MYO1G: variants seen among roughly 807,000 people sequenced by gnomAD.
The protein encoded by MYO1G is unconventional myosin-Ig.
MYO1G carries 65 observed loss-of-function variants against 115.3 expected under a neutral mutation model. The ratio of observed to expected loss-of-function variants is 0.56; its 90% CI spans 0.46 to 0.69. The LOEUF (loss-of-function observed/expected upper bound fraction) is 0.69, where lower values mean the gene tolerates loss of function less well. Among genes scored for constraint, MYO1G ranks in the 30% least tolerant of loss-of-function variants. MYO1G has a pLI of 0.00. For missense variants in MYO1G, 1,204 were observed against 1,393.5 expected, an observed-to-expected ratio of 0.86 and a Z score of 2.16; for synonymous variants, 510 against 552.6, an observed-to-expected ratio of 0.92 and a Z score of 1.08.
At chr7:44,975,776 G>A in intron 3 of MYO1G, 127 bp from the exon 4 acceptor site, 1 of 1,075,506 alleles carries the variant, frequency 9.3e-7, no homozygotes, top group Non-Finnish European at 1.3e-6. Flanking sequence ...CTTGCTGAGA[G>A]GGAACCAATG....
chr7:44,977,155 G>C, intron 1 of MYO1G, 84 bp from the exon 2 acceptor site: 2 of 1,317,682 alleles, frequency 1.5e-6, no homozygotes, highest in Non-Finnish European at 2.1e-6. Flanking sequence ...TCAGGGCCTG[G>C]CCCCAGTAGG....
At chr7:44,975,323 CAG>C in intron 4 of MYO1G, 96 bp from the exon 5 acceptor site, 24 of 1,525,054 alleles carry the variant, frequency 1.6e-5, no homozygotes, top group Non-Finnish European at 2.2e-5. Flanking sequence ...GGCTGGGGGT[CAG>C]AGAGTCCTGA....
Position 44,966,271 on chromosome 7 carries a change from C to G in MYO1G, c.1959G>C (p.Met653Ile). ...PYSRFLLRYKMTCEYTWPNHL... is the reference protein window; with the variant it reads ...PYSRFLLRYKITCEYTWPNHL... ...GGTTGGGCCATGTGTATTCACAGGT[C>G]ATCTTGTACCTGTCACCACAGGACA... is the stretch of plus-strand genomic sequence containing the variant. The change falls in exon 16 of 22, where the codon ATG (methionine) becomes ATC (isoleucine). Residue 653 changes from methionine (M) to isoleucine (I), a missense_variant. Coordinates refer to ENST00000258787, the MANE Select transcript of MYO1G (RefSeq NM_033054.3). The surrounding 1 kb of genome is among the most constrained non-coding windows in gnomAD (Gnocchi z 5.0). 6.2e-7 allele frequency: 1 copy of G among 1,605,788 alleles called. No individual in the cohort carries two copies. The highest frequency in any genetic ancestry group is 8.5e-7 in the Non-Finnish European group (1 of 1,176,650).
chr7:44,970,175 T>A, intron 9 of MYO1G, 21 bp from the exon 10 acceptor site: 4 of 1,525,188 alleles, frequency 2.6e-6, no homozygotes, highest in Non-Finnish European at 2.7e-6. Context: ...GGTGGGCCTT[T>A]CAGAGGGGAG....
At position 44,971,759 on chromosome 7, in the gene MYO1G, C is replaced by A; in HGVS notation, c.760G>T (p.Ala254Ser). The change falls in exon 7 of 22, where the codon GCA becomes TCA. Residue 254 changes from alanine (A) to serine (S), a missense_variant. Physicochemically the swap from Ala to Ser is moderately conservative, Grantham distance 99 (BLOSUM62 1). Coordinates refer to ENST00000258787, the MANE Select transcript of MYO1G (RefSeq NM_033054.3). ...ATGACCCTCATGGCCTCGGTCACTG[C>A]CTGGTGGCTCTGCTCATCACTGTCC... ...ALDSDEQSHQ[A>S]VTEAMRVIGF... The A allele has an allele frequency of 6.4e-7, 1 of 1,555,878 alleles. No individual in the cohort carries two copies. The highest frequency in any genetic ancestry group is 1.2e-5 in the South Asian group (1 of 84,416).
Position 44,975,080 on chromosome 7 carries a change from TG to T in MYO1G, c.618+93del, listed in dbSNP as rs1468520004. The T allele has an allele frequency of 6.1e-6, 8 of 1,302,956 alleles. No homozygotes were observed. The Admixed American group carries it at 1.0e-4, about 16-fold the overall frequency. 80.7% of individuals were successfully genotyped at this position (1,302,956 alleles called of 1,614,324 possible). ...GGTTGAGTGGGCAGAGAGGGGGAAT[TG>T]GGGTAGTGATGGAAGGGTCACAAGC... On this transcript the variant is annotated intron_variant, in intron 5 of 21. Coordinates refer to ENST00000258787, the MANE Select transcript of MYO1G (RefSeq NM_033054.3).
At chr7:44,975,253 C>G (rs1795027130) in intron 4 of MYO1G, 26 bp from the exon 5 acceptor site, 3 of 1,613,616 alleles carry the variant, frequency 1.9e-6, no homozygotes, top group East Asian at 4.5e-5. Context: ...CAGATGGACT[C>G]AGGCCTGGGA....
At position 44,970,543 on chromosome 7, in the gene MYO1G, C is replaced by T. The variant is rs373633085; in HGVS notation, c.1217+49G>A. The T allele has an allele frequency of 1.3e-4, 206 of 1,608,700 alleles. No homozygotes were observed. The African/African-American group carries it at 2.1e-3, about 17-fold the overall frequency. ...GCCGAGCTTTCCAGAACTAAGTGGG[C>T]AAAGCTGCTGGGTGTCAGAGGTGGA... On this transcript the variant is annotated intron_variant, in intron 9 of 21. Coordinates refer to ENST00000258787, the MANE Select transcript of MYO1G (RefSeq NM_033054.3).
In MYO1G at chr7:44,967,899, C is replaced by T. The variant is rs200445653; in HGVS notation, c.1634G>A (p.Arg545Gln). Residue 545 changes from arginine to glutamine, a missense_variant, in exon 13 of 22, where the codon CGG becomes CAG. Coordinates refer to ENST00000258787, the MANE Select transcript of MYO1G (RefSeq NM_033054.3). ...NRDFLFQDFK[R>Q]LLYNSTDPTL... ...CCGTGCTCACCTGTTGTACAGCAGC[C>T]GCTTGAAGTCCTGGAAGAGGAAATC... The T allele has an allele frequency of 6.6e-5, 107 of 1,613,932 alleles. No homozygotes were observed. The highest frequency in any genetic ancestry group is 1.7e-4 in the Admixed American group (10 of 59,990).
Position 44,972,127 on chromosome 7 carries a change from C to A in MYO1G, c.717G>T (p.Met239Ile). Residue 239 changes from methionine to isoleucine, a missense_variant, in exon 6 of 22, where the codon ATG (methionine) becomes ATT (isoleucine). Transcript: ENST00000258787. ...CCCTCACACTCACACTGTGCACAGTCATGTTGAGTCCTGCTCCCTGGTGTG... is the reference window on the plus strand; with the variant it reads ...CCCTCACACTCACACTGTGCACAGTAATGTTGAGTCCTGCTCCCTGGTGTG... ...NFTHQGAGLN[M>I]TVHSALDSDE... The A allele has an allele frequency of 6.2e-7, 1 of 1,613,730 alleles. No homozygotes were observed. Among genetic ancestry groups the A allele is most frequent in the South Asian group, 1.1e-5 (1 of 91,062 alleles).
chr7:44,971,875 C>T, intron 6 of MYO1G, 86 bp from the exon 7 acceptor site: 1 of 1,009,384 alleles, frequency 9.9e-7, no homozygotes, highest in Non-Finnish European at 1.5e-6. Flanking sequence ...CCATCCTAGG[C>T]ACCTGCTCAC....
intron 4 of MYO1G, 84 bp from the exon 5 acceptor site, chr7:44,975,311 C>T: frequency 6.5e-7 from 1 of 1,545,120 alleles, no homozygotes; most frequent in Non-Finnish European, 8.9e-7. Context: ...AGGTGCAAGG[C>T]AGGCTGGGGG....
intron 7 of MYO1G, 62 bp from the exon 8 acceptor site, chr7:44,971,121 T>C: frequency 2.7e-6 from 4 of 1,478,110 alleles, no homozygotes; most frequent in South Asian, 2.4e-5. Flanking sequence ...TGGACAACTT[T>C]GGACAAGAAG....
At position 44,964,329 on chromosome 7, in the gene MYO1G, C is replaced by A; in HGVS notation, c.2631+86G>T. The A allele has an allele frequency of 2.8e-6, 4 of 1,428,406 alleles. No homozygotes were observed. Among genetic ancestry groups the A allele is most frequent in the Non-Finnish European group, 3.9e-6 (4 of 1,013,776 alleles). The allele number at this position is 1,428,406 out of a possible 1,614,324, so 88.5% of individuals were successfully genotyped here. A position where few individuals can be genotyped will look rare whatever the true frequency, so the allele number is the denominator to read the frequency against. ...GCCTCCATTTTCTCCCAAGTGCCCCCCCAAAACTCTGCACCAGCTTCTAAC... is the reference window on the plus strand; with the variant it reads ...GCCTCCATTTTCTCCCAAGTGCCCCACCAAAACTCTGCACCAGCTTCTAAC... On this transcript the variant is annotated intron_variant, in intron 19 of 21. Coordinates refer to ENST00000258787, the MANE Select transcript of MYO1G (RefSeq NM_033054.3). The surrounding 1 kb of genome is among the most constrained non-coding windows in gnomAD (Gnocchi z 5.1).
chr7:44,970,686 T>C lies in MYO1G; in HGVS notation c.1123A>G (p.Met375Val). 3 of 1,613,982 alleles carry C rather than the reference T, an allele frequency of 1.9e-6. No homozygotes were observed. Among genetic ancestry groups the C allele is most frequent in the Non-Finnish European group, 2.5e-6 (3 of 1,180,028 alleles). ...CGAGGATCCCGGCCCCGGGGTTCCA[T>C]GACACTGTTGATCCTGTTCACCACC... ...EWVVNRINSV[M>V]EPRGRDPRRD... The change falls in exon 9 of 22, where the codon ATG (methionine) becomes GTG (valine). Residue 375 changes from methionine to valine, a missense_variant. Physicochemically the swap from Met to Val is conservative, Grantham distance 21 (BLOSUM62 1). Coordinates refer to ENST00000258787, the MANE Select transcript of MYO1G (RefSeq NM_033054.3).
rs1403760167 is a variant in MYO1G at position 44,977,060 on chromosome 7, C to A, written c.107G>T (p.Gly36Val). The change falls in exon 2 of 22, where the codon GGC (glycine) becomes GTC (valine). Residue 36 changes from glycine to valine, a missense_variant. By Grantham distance (109) the Gly-to-Val change is moderately radical. Coordinates refer to ENST00000258787, the MANE Select transcript of MYO1G (RefSeq NM_033054.3). ...CTCACCGATGTAGGTGTAGATGCGG[C>A]CCTTCTCGAACCTGGACACAGCAGG... is the stretch of plus-strand genomic sequence containing the variant. Reference protein sequence around the residue: ...MRNLQLRFEKGRIYTYIGEVL... With the variant: ...MRNLQLRFEKVRIYTYIGEVL... 6.2e-7 allele frequency: 1 copy of A among 1,612,378 alleles called. No homozygotes were observed. The highest frequency in any genetic ancestry group is 1.7e-5 in the Admixed American group (1 of 59,960).
intron 7 of MYO1G, among the ~76,000 whole-genome samples, 199 bp downstream of exon 7, chr7:44,971,474 G>A (rs1389112421): frequency 2.0e-5 from 3 of 152,206 alleles, no homozygotes; most frequent in Non-Finnish European, 4.4e-5. Context: ...GCGCCTGGCT[G>A]ACCTGGCCCT....
Position 44,967,747 on chromosome 7 carries a change from C to T in MYO1G, c.1650-10G>A, listed in dbSNP as rs1318309993. ...TAGAGTGGGGTCCGTGCTGCAGACA[C>T]AGGCCGAATTCCCAGCCATCCTCTG... On this transcript the variant is annotated splice_polypyrimidine_tract_variant and intron_variant, in intron 13 of 21. Coordinates refer to ENST00000258787, the MANE Select transcript of MYO1G (RefSeq NM_033054.3). 1.9e-6 allele frequency: 3 copies of T among 1,613,074 alleles called. No individual in the cohort carries two copies. The highest frequency in any genetic ancestry group is 4.5e-5 in the East Asian group (2 of 44,884).
Position 44,962,864 on chromosome 7 carries a change from C to A in MYO1G, c.2932G>T (p.Asp978Tyr). ...CCGCGATGGCTTAGTGGGATGCAGT[C>A]GGAGACGCGAACCTCCAGGGTGCGG... ...EGRTLEVRVS[D>Y]CIPLSHRGVR... is the part of the protein sequence containing the mutation. The change falls in exon 22 of 22, where the codon GAC (aspartate) becomes TAC (tyrosine). Residue 978 changes from aspartate (D) to tyrosine (Y), a missense_variant. Physicochemically the swap from Asp to Tyr is radical, Grantham distance 160 (BLOSUM62 -3). Coordinates refer to ENST00000258787, the MANE Select transcript of MYO1G (RefSeq NM_033054.3). The surrounding 1 kb of genome is among the most constrained non-coding windows in gnomAD (Gnocchi z 5.3). The A allele has an allele frequency of 6.7e-7, 1 of 1,500,946 alleles. No homozygotes were observed. The highest frequency in any genetic ancestry group is 8.9e-7 in the Non-Finnish European group (1 of 1,126,698). The allele number at this position is 1,500,946 out of a possible 1,614,324, so 93.0% of individuals were successfully genotyped here.
Sources: allele counts gnomAD v4.1 joint callset (sites outside exome capture counted in the v4.1 genomes callset), GRCh38; gene constraint gnomAD v4.1.1; non-coding constraint Gnocchi (gnomAD v3.1); transcripts MANE v1.5; gene names NCBI Gene and HGNC (gene_info 2026-07-23, HGNC 2026-07-21).